CSDC2: variants seen among roughly 807,000 people sequenced by gnomAD.
CSDC2 encodes the protein cold shock domain-containing protein C2.
In CSDC2, 8 loss-of-function variants were observed where a neutral mutation model predicts 15.8. That is an observed-to-expected ratio of 0.51 (90% confidence interval 0.30 to 0.92). CSDC2 has a LOEUF of 0.92. Among genes scored for constraint, CSDC2 ranks in the 40% least tolerant of loss-of-function variants. CSDC2 has a pLI of 0.07. For synonymous variants in CSDC2, 96 were observed against 92.3 expected, an observed-to-expected ratio of 1.04 and a Z score of -0.23; for missense variants, 195 against 213.3, an observed-to-expected ratio of 0.91 and a Z score of 0.53.
chr22:41,567,969 C>G (rs889505579), intron 1 of CSDC2, among the ~76,000 whole-genome samples: 1 of 152,132 alleles, frequency 6.6e-6, no homozygotes, highest in Non-Finnish European at 1.5e-5. Flanking sequence ...CTCCTTCCCC[C>G]ACTCCCTCTT....
At chr22:41,574,090 C>T (rs1240336422) in intron 3 of CSDC2, among the ~76,000 whole-genome samples, 1 of 152,050 alleles carries the variant, frequency 6.6e-6, no homozygotes, top group Non-Finnish European at 1.5e-5. Flanking sequence ...TGTGGGTGGG[C>T]CAGGAGGTAG....
In CSDC2 at chr22:41,575,105, T is replaced by G. The variant is rs1372567242; in HGVS notation, c.*210T>G. 4.7e-6 allele frequency: 3 copies of G among 640,600 alleles called. No homozygotes were observed. In the African/African-American group the frequency reaches 5.5e-5, roughly 12 times the overall value. The allele number at this position is 640,600 out of a possible 1,614,324, so 39.7% of individuals were successfully genotyped here. On this transcript the variant is annotated 3_prime_UTR_variant, in exon 4 of 4. Coordinates refer to ENST00000306149, the MANE Select transcript of CSDC2 (RefSeq NM_014460.4). ...ACTACTGTGCAAGCTGGCCAGGAGGTAGGTGGAGGGCAAGGCCACCAGACC... is the reference window on the plus strand; with the variant it reads ...ACTACTGTGCAAGCTGGCCAGGAGGGAGGTGGAGGGCAAGGCCACCAGACC...
At chr22:41,562,334 C>T (rs920139594) in intron 1 of CSDC2, among the ~76,000 whole-genome samples, 4 of 149,356 alleles carry the variant, frequency 2.7e-5, no homozygotes, top group Admixed American at 7.0e-5. Context: ...TGCCGCCCCC[C>T]ATTTCCTTGA....
In CSDC2 at chr22:41,573,710, C is replaced by T. The variant is rs373284212; in HGVS notation, c.232C>T (p.Arg78Cys). ...CAAGGGCGTCTGTAAGCAGTTCTCA[C>T]GCTCACAGGGCCATGGCTTCATCAC... is the stretch of plus-strand genomic sequence containing the variant. ...VFKGVCKQFS[R>C]SQGHGFITPE... is the part of the protein sequence containing the mutation. Residue 78 changes from arginine to cysteine, a missense_variant, in exon 3 of 4, where the codon CGC becomes TGC. Coordinates refer to ENST00000306149, the MANE Select transcript of CSDC2 (RefSeq NM_014460.4). 9.9e-6 allele frequency: 16 copies of T among 1,613,894 alleles called. No homozygotes were observed. The highest frequency in any genetic ancestry group is 5.0e-5 in the Admixed American group (3 of 60,012).
intron 1 of CSDC2, among the ~76,000 whole-genome samples, chr22:41,567,389 A>G (rs777549067): frequency 6.6e-6 from 1 of 152,230 alleles, no homozygotes; most frequent in Admixed American, 6.5e-5. Flanking sequence ...TTTCAACTCT[A>G]TAGGGTAACT....
At chr22:41,565,267 T>C (rs1429955832) in intron 1 of CSDC2, among the ~76,000 whole-genome samples, 1 of 151,462 alleles carries the variant, frequency 6.6e-6, no homozygotes, top group African/African-American at 2.4e-5. Context: ...CTGGCCAACA[T>C]GGTGAAACCC....
intron 1 of CSDC2, among the ~76,000 whole-genome samples, chr22:41,569,721 A>G (rs1266769557): frequency 6.6e-6 from 1 of 150,516 alleles, no homozygotes; most frequent in Non-Finnish European, 1.5e-5. Context: ...GGCTGTTGTG[A>G]ATGAGCACTG....
chr22:41,562,061 G>C (rs1470482767), intron 1 of CSDC2, among the ~76,000 whole-genome samples: 1 of 152,190 alleles, frequency 6.6e-6, no homozygotes, highest in Non-Finnish European at 1.5e-5. Context: ...CACAGAGCGA[G>C]AACAATAATA....
In CSDC2 at chr22:41,574,901, G is replaced by A; in HGVS notation, c.*6G>A. 6.3e-7 allele frequency: 1 copy of A among 1,581,566 alleles called. No homozygotes were observed. ...GCCAGGTCGTGGGCTCCTAGGCTGA[G>A]TGGTTCACAGGCCAGCTGGCCGGGG... On this transcript the variant is annotated 3_prime_UTR_variant, in exon 4 of 4. Coordinates refer to ENST00000306149, the MANE Select transcript of CSDC2 (RefSeq NM_014460.4).
chr22:41,562,524 A>G (rs1239754313), intron 1 of CSDC2, among the ~76,000 whole-genome samples: 1 of 151,588 alleles, frequency 6.6e-6, no homozygotes, highest in Non-Finnish European at 1.5e-5. Flanking sequence ...TGGCTAGGCA[A>G]TGTTCACGGA....
chr22:41,566,480 A>G (rs534699038), intron 1 of CSDC2, among the ~76,000 whole-genome samples: 1 of 146,018 alleles, frequency 6.8e-6, no homozygotes, highest in East Asian at 2.0e-4. Context: ...CACAAAAATT[A>G]GCTGGGTGTG....
At chr22:41,567,679 G>C (rs544156630) in intron 1 of CSDC2, among the ~76,000 whole-genome samples, 2 of 152,354 alleles carry the variant, frequency 1.3e-5, no homozygotes, top group Non-Finnish European at 2.9e-5. Context: ...TACAGAGCCT[G>C]GACACAGGAC....
Position 41,561,045 on chromosome 22 carries a change from G to C in CSDC2, c.-262G>C, listed in dbSNP as rs201425136. ...GGTACCGCCCGCGCGAGCACACACA[G>C]ACACACACACACACACACACACACA... is the stretch of plus-strand genomic sequence containing the variant. On this transcript the variant is annotated 5_prime_UTR_variant, in exon 1 of 4. Transcript: ENST00000306149. 3.3e-4 allele frequency: 43 copies of C among 132,118 alleles called. No individual in the cohort carries two copies. The highest frequency in any genetic ancestry group is 3.1e-3 in the East Asian group (13 of 4,152). The allele number at this position is 132,118 out of a possible 1,614,324, so 8.2% of individuals were successfully genotyped here.
intron 2 of CSDC2, among the ~76,000 whole-genome samples, chr22:41,572,720 G>A (rs1430152693): frequency 2.0e-5 from 3 of 152,176 alleles, no homozygotes; most frequent in Non-Finnish European, 2.9e-5. Context: ...GGGAGCTGGC[G>A]ATTCTGGGCA....
Position 41,576,131 on chromosome 22 carries a change from A to T in CSDC2, c.*1236A>T, listed in dbSNP as rs893153247. ...GCCGTGGTTCGAGGGAGGGCTGGCCAGGGGTGGGACCCTTATGAGACTCAG... is the reference window on the plus strand; with the variant it reads ...GCCGTGGTTCGAGGGAGGGCTGGCCTGGGGTGGGACCCTTATGAGACTCAG... On this transcript the variant is annotated 3_prime_UTR_variant, in exon 4 of 4. Transcript: ENST00000306149. 4 of 152,390 alleles carry T rather than the reference A, an allele frequency of 2.6e-5. No individual in the cohort carries two copies. The highest frequency in any genetic ancestry group is 1.3e-4 in the Admixed American group (2 of 15,272). 9.4% of individuals were successfully genotyped at this position (152,390 alleles called of 1,614,324 possible).
chr22:41,572,378 A>AT (rs2067150773), intron 2 of CSDC2, among the ~76,000 whole-genome samples: 1 of 52,972 alleles, frequency 1.9e-5, no homozygotes, highest in African/African-American at 8.1e-5. Flanking sequence ...CCACCCACCC[A>AT]CCCACCCACC....
At chr22:41,573,091 T>TC (rs1252411296) in intron 2 of CSDC2, among the ~76,000 whole-genome samples, 1 of 152,150 alleles carries the variant, frequency 6.6e-6, no homozygotes, top group East Asian at 1.9e-4. Flanking sequence ...ATGCCTGTAA[T>TC]CCCAGCACTT....
chr22:41,574,278 T>A (rs2067163507), intron 3 of CSDC2, among the ~76,000 whole-genome samples: 1 of 151,952 alleles, frequency 6.6e-6, no homozygotes, highest in African/African-American at 2.4e-5. Flanking sequence ...ATTTTATTTA[T>A]TTTTTGAGAG....
rs1188797741 is a variant in CSDC2, at chr22:41,575,351, G to A, written c.*456G>A. ...CTCCCTCCCTTGGCTGAGGTCCCCCGCCACAGCCTGGACCCTTCCCTCAGA... is the reference window on the plus strand; with the variant it reads ...CTCCCTCCCTTGGCTGAGGTCCCCCACCACAGCCTGGACCCTTCCCTCAGA... On this transcript the variant is annotated 3_prime_UTR_variant, in exon 4 of 4. Coordinates refer to ENST00000306149, the MANE Select transcript of CSDC2 (RefSeq NM_014460.4). 2.9e-5 allele frequency: 5 copies of A among 172,336 alleles called. No homozygotes were observed. Among genetic ancestry groups the A allele is most frequent in the Non-Finnish European group, 6.2e-5 (5 of 81,006 alleles). 10.7% of individuals were successfully genotyped at this position (172,336 alleles called of 1,614,324 possible). A position where few individuals can be genotyped will look rare whatever the true frequency, so the allele number is the denominator to read the frequency against.
Sources: allele counts gnomAD v4.1 joint callset (sites outside exome capture counted in the v4.1 genomes callset), GRCh38; gene constraint gnomAD v4.1.1; transcripts MANE v1.5; gene names NCBI Gene and HGNC (gene_info 2026-07-23, HGNC 2026-07-21).